RGS6: variants seen among roughly 807,000 people sequenced by gnomAD.
RGS6 encodes regulator of G-protein signaling 6.
Under a neutral mutation model 78.5 loss-of-function variants are expected in RGS6, and 30 were observed. That is an observed-to-expected ratio of 0.38 (90% CI 0.29 to 0.52). The LOEUF (loss-of-function observed/expected upper bound fraction) is 0.52, where lower values mean the gene tolerates loss of function less well. Among genes scored for constraint, RGS6 ranks in the 20% least tolerant of loss-of-function variants. The pLI, the probability that RGS6 is intolerant of heterozygous loss-of-function variation, is 0.85. For synonymous variants in RGS6, 206 were observed against 206.0 expected (o/e 1.00, Z 0.00); for missense variants, 495 against 609.7 (o/e 0.81, Z 1.98).
rs561244962 is a variant in RGS6 at position 72,049,185 on chromosome 14, G to A, written c.84+84310G>A. Reference sequence around the variant, plus strand: ...AAAGTTTTGAACTCCTGCTTTCATGGTTCATTCTTAGAAATAAATAGAATT... The same window carrying A: ...AAAGTTTTGAACTCCTGCTTTCATGATTCATTCTTAGAAATAAATAGAATT... On this transcript the variant is annotated intron_variant, in intron 2 of 17. Transcript: ENST00000553525. Among the ~76,000 whole-genome samples, 7 of 152,266 alleles carry A rather than the reference G, an allele frequency of 4.6e-5. No individual in the cohort carries two copies. The South Asian group carries it at 1.5e-3, about 32-fold the overall frequency.
chr14:72,101,506 C>T (rs2095527451), intron 2 of RGS6, among the ~76,000 whole-genome samples: 1 of 152,174 alleles, frequency 6.6e-6, no homozygotes, highest in Non-Finnish European at 1.5e-5. Context: ...AACATACAAC[C>T]ATCAGTGTCT....
intron 2 of RGS6, among the ~76,000 whole-genome samples, chr14:72,239,691 G>A (rs2052239243): frequency 6.6e-6 from 1 of 152,198 alleles, no homozygotes; most frequent in South Asian, 2.1e-4. Context: ...TGTGAAGGAA[G>A]TTCTGGGCCT....
At chr14:72,059,844 A>G (rs1226939762) in intron 2 of RGS6, among the ~76,000 whole-genome samples, 1 of 152,146 alleles carries the variant, frequency 6.6e-6, no homozygotes, top group Non-Finnish European at 1.5e-5. Flanking sequence ...AGGCCTCCCT[A>G]GAAGCCAGAC....
At chr14:72,423,164 G>T (rs1294439079) in intron 3 of RGS6, among the ~76,000 whole-genome samples, 1 of 152,180 alleles carries the variant, frequency 6.6e-6, no homozygotes, top group African/African-American at 2.4e-5. Context: ...AATATAGTGA[G>T]GAATATGAGA....
At chr14:72,159,216 T>C (rs1376949911) in intron 2 of RGS6, among the ~76,000 whole-genome samples, 1 of 152,198 alleles carries the variant, frequency 6.6e-6, no homozygotes, top group Non-Finnish European at 1.5e-5. Flanking sequence ...TCTAAGACAT[T>C]ATGCGAACCA....
intron 2 of RGS6, among the ~76,000 whole-genome samples, chr14:72,001,471 AACACAC>A (rs3053057): frequency 0.025 from 3,610 of 146,046 alleles, 59 homozygotes; most frequent in Middle Eastern, 0.048. Flanking sequence ...ATAAAAACAG[AACACAC>A]ACACACACAC....
At chr14:72,469,876 G>C (rs1225345838) in intron 7 of RGS6, 131 bp from the exon 8 acceptor site, 1 of 664,206 alleles carries the variant, frequency 1.5e-6, no homozygotes, top group African/African-American at 1.8e-5. Flanking sequence ...ACATGTCCAG[G>C]GGATTTAAAG....
chr14:72,413,775 ATC>A (rs1222126847), intron 3 of RGS6, among the ~76,000 whole-genome samples: 1 of 152,082 alleles, frequency 6.6e-6, no homozygotes, highest in Admixed American at 6.5e-5. Context: ...TGGTGACAAA[ATC>A]TCTCAGCATT....
the RGS6 span, among the ~76,000 whole-genome samples, chr14:71,895,526 C>G: frequency 6.6e-6 from 1 of 152,138 alleles, no homozygotes; most frequent in South Asian, 2.1e-4. Context: ...AGGTAAAGAT[C>G]ATTAGATATC....
chr14:72,126,501 A>G (rs1402044821), intron 2 of RGS6, among the ~76,000 whole-genome samples: 2 of 152,252 alleles, frequency 1.3e-5, no homozygotes, highest in Non-Finnish European at 2.9e-5. Flanking sequence ...CTGCTCACAT[A>G]GAGCCGTTGG....
the RGS6 span, among the ~76,000 whole-genome samples, chr14:71,913,471 A>C: frequency 6.6e-6 from 1 of 152,206 alleles, no homozygotes. Flanking sequence ...TAACAGAGGA[A>C]AGTGGGCTGG....
chr14:72,599,575 ATTTTTTT>A, the RGS6 span, among the ~76,000 whole-genome samples: 2 of 103,234 alleles, frequency 1.9e-5, no homozygotes, highest in East Asian at 2.9e-4. Context: ...CGCCTGGCTA[ATTTTTTT>A]TTTTTTTTTT....
intron 2 of RGS6, among the ~76,000 whole-genome samples, chr14:72,344,673 T>A (rs982544008): frequency 2.6e-5 from 4 of 152,192 alleles, no homozygotes; most frequent in Admixed American, 2.6e-4. Flanking sequence ...TAGGATTCAG[T>A]GGTGAGCAAA....
intron 1 of RGS6, among the ~76,000 whole-genome samples, chr14:71,959,609 T>C (rs563180707): frequency 3.3e-5 from 5 of 152,152 alleles, no homozygotes; most frequent in Admixed American, 2.0e-4. Flanking sequence ...TTGGTTCTCC[T>C]CTTAGCTCTG....
intron 13 of RGS6, among the ~76,000 whole-genome samples, chr14:72,509,198 A>T (rs2096848221): frequency 6.7e-6 from 1 of 150,012 alleles, no homozygotes; most frequent in Non-Finnish European, 1.5e-5. Context: ...CCCTGTCTCT[A>T]CTAAAAATAC....
chr14:72,172,316 G>A (rs1040997622), intron 2 of RGS6, among the ~76,000 whole-genome samples: 5 of 150,948 alleles, frequency 3.3e-5, no homozygotes, highest in South Asian at 2.1e-4. Context: ...GGAGGAAGCC[G>A]GTGTATTTTA....
the RGS6 span, among the ~76,000 whole-genome samples, chr14:72,585,572 A>G: frequency 6.6e-6 from 1 of 152,212 alleles, no homozygotes; most frequent in Non-Finnish European, 1.5e-5. Context: ...AAGTCTGGAA[A>G]ATAGCTTTTA....
the RGS6 span, among the ~76,000 whole-genome samples, chr14:72,615,246 C>G: frequency 6.6e-6 from 1 of 152,168 alleles, no homozygotes; most frequent in Admixed American, 6.5e-5. Context: ...CGCAACACCC[C>G]CTACCTCCTC....
At chr14:72,348,703 G>A (rs1474852366) in intron 2 of RGS6, among the ~76,000 whole-genome samples, 7 of 152,180 alleles carry the variant, frequency 4.6e-5, no homozygotes, top group East Asian at 1.9e-4. Context: ...GAATTTCTGC[G>A]TTCTTAGAAA....
Sources: gnomAD v4.1 joint callset for allele counts (sites outside exome capture counted in the v4.1 genomes callset) on GRCh38, gnomAD v4.1.1 for gene constraint, MANE v1.5 for transcripts, NCBI Gene and HGNC (gene_info 2026-07-23, HGNC 2026-07-21) for gene names.